Variants in TLN1 observed in about 807,000 individuals in gnomAD.
The protein encoded by TLN1 is talin 1.
A neutral mutation model predicts 292.3 loss-of-function variants in TLN1; 56 were observed. That is an observed-to-expected ratio of 0.19 (90% CI 0.15 to 0.24). The LOEUF (loss-of-function observed/expected upper bound fraction) is 0.24. Ranked by LOEUF, TLN1 falls within the 10% of genes least tolerant of loss-of-function variation. The pLI, the probability that TLN1 is intolerant of heterozygous loss-of-function variation, is 1.00. For synonymous variants in TLN1, 1,119 were observed against 1,253.7 expected (o/e 0.89, Z 2.27); for missense variants, 2,433 against 3,248.2 (o/e 0.75, Z 6.10).
chr9:35,718,320 G>C (rs1825820832), intron 17 of TLN1, among the ~76,000 whole-genome samples: 1 of 152,240 alleles, frequency 6.6e-6, no homozygotes, highest in Non-Finnish European at 1.5e-5. Context: ...GCTCAGAGAG[G>C]ACAAAGCTGG....
Position 35,723,090 on chromosome 9 carries a change from C to T in TLN1, c.783-169G>A, listed in dbSNP as rs554463782. On this transcript the variant is annotated intron_variant, in intron 7 of 56. Transcript: ENST00000314888. The stretch of plus-strand genomic sequence containing the variant: ...AGATTATCTTCTGAAATAGAGGTGA[C>T]TTCGTGTAAACTCTTCTTTTTTTTT... 4.5e-4 allele frequency: 243 copies of T among 542,126 alleles called. 3 individuals are homozygous for T. Among genetic ancestry groups the T allele is most frequent in the South Asian group, 2.2e-3 (95 of 43,730 alleles). The allele number at this position is 542,126 out of a possible 1,614,324, so 33.6% of individuals were successfully genotyped here. A position where few individuals can be genotyped will look rare whatever the true frequency, so the allele number is the denominator to read the frequency against.
In TLN1 at chr9:35,711,994, C is replaced by T. The variant is rs758655161; in HGVS notation, c.3681+11G>A. 10 of 1,613,070 alleles carry T rather than the reference C, an allele frequency of 6.2e-6. No individual in the cohort carries two copies. Among genetic ancestry groups the T allele is most frequent in the African/African-American group, 5.3e-5 (4 of 74,882 alleles). ...ACTCCTACGTTCCCCCACCCCCTAC[C>T]GTCCTCCTACCGAGTCACTCAGGAG... On this transcript the variant is annotated intron_variant, in intron 28 of 56. Coordinates refer to ENST00000314888, the MANE Select transcript of TLN1 (RefSeq NM_006289.4).
rs766448496 is a variant in TLN1, at chr9:35,710,674, C to T, written c.4213G>A (p.Glu1405Lys). The change falls in exon 33 of 57, where the codon GAG becomes AAG. Residue 1405 changes from glutamate (E) to lysine (K), a missense_variant. By Grantham distance (56) the Glu-to-Lys change is moderately conservative. Around this residue, in one of 7 missense-constraint regions of TLN1, gnomAD observed 1,384 missense variants for 1,699.6 expected, o/e 0.81. Transcript: ENST00000314888. ...SVMENSKVLG[E>K]AMTGISQNAK... ...TTTTGGGAGATGCCAGTCATGGCCT[C>T]GCCCAGCACCTGAGGAACAGAGGAC... 4.3e-6 allele frequency: 7 copies of T among 1,614,026 alleles called. No individual in the cohort carries two copies. In the African/African-American group the frequency reaches 5.3e-5, roughly 12 times the overall value.
intron 1 of TLN1, among the ~76,000 whole-genome samples, chr9:35,728,143 G>T (rs577584993): frequency 2.0e-5 from 3 of 152,180 alleles, no homozygotes; most frequent in East Asian, 1.9e-4. Flanking sequence ...GCAATTGGAG[G>T]GGGGGAATGG....
chr9:35,705,899 A>G (rs773470634), intron 41 of TLN1, 48 bp from the exon 42 acceptor site: 1 of 1,614,122 alleles, frequency 6.2e-7, no homozygotes. Flanking sequence ...GGTCTCTGCC[A>G]CTGTGCTTGG....
At chr9:35,725,091 A>T in intron 3 of TLN1, 132 bp from the exon 4 acceptor site, 1 of 1,543,660 alleles carries the variant, frequency 6.5e-7, no homozygotes, top group Non-Finnish European at 8.9e-7. Flanking sequence ...GCAGGGAATT[A>T]TGACTGTCTG....
Position 35,714,701 on chromosome 9 carries a change from T to C in TLN1, c.2872-14A>G, listed in dbSNP as rs1232714144. On this transcript the variant is annotated splice_polypyrimidine_tract_variant and intron_variant, in intron 22 of 56. Coordinates refer to ENST00000314888, the MANE Select transcript of TLN1 (RefSeq NM_006289.4). The surrounding 1 kb of genome is among the most constrained non-coding windows in gnomAD (Gnocchi z 4.6). ...CTCTGCCACTGCCTGTAGGTGAAAA[T>C]GTCATAAGAGACCCACAAGTCTCCC... 3 of 1,613,770 alleles carry C rather than the reference T, an allele frequency of 1.9e-6. No individual in the cohort carries two copies. The highest frequency in any genetic ancestry group is 2.5e-6 in the Non-Finnish European group (3 of 1,179,790).
In TLN1 at chr9:35,697,113, T is replaced by G. The variant is rs1825380664; in HGVS notation, c.*678A>C. 1 of 152,320 alleles carries G rather than the reference T, an allele frequency of 6.6e-6. No homozygotes were observed. The allele number at this position is 152,320 out of a possible 1,614,324, so 9.4% of individuals were successfully genotyped here. ...ACGACACTTTGTGAGGCTTAGGTGC[T>G]GGCCAGGGAGGTGAGGATAACAGGA... On this transcript the variant is annotated 3_prime_UTR_variant, in exon 57 of 57. Coordinates refer to ENST00000314888, the MANE Select transcript of TLN1 (RefSeq NM_006289.4).
Position 35,706,931 on chromosome 9 carries a change from G to C in TLN1, c.4956-31C>G, listed in dbSNP as rs572922595. The C allele has an allele frequency of 2.0e-5, 32 of 1,611,960 alleles. No individual in the cohort carries two copies. Among genetic ancestry groups the C allele is most frequent in the African/African-American group, 2.7e-5 (2 of 74,804 alleles). On this transcript the variant is annotated intron_variant, in intron 37 of 56. Transcript: ENST00000314888. The surrounding 1 kb of genome is among the most constrained non-coding windows in gnomAD (Gnocchi z 4.2). ...GACACATCATGGGCTCCAACACCAA[G>C]AACATCCCCTACTGCAAGGCCAGCC...
At chr9:35,718,783 G>A (rs1419186239) in intron 17 of TLN1, 29 bp downstream of exon 17, 1 of 1,590,756 alleles carries the variant, frequency 6.3e-7, no homozygotes, top group East Asian at 2.2e-5. Context: ...TAGATTCTGG[G>A]GTTCTGGGGG....
Position 35,717,132 on chromosome 9 carries a change from G to C in TLN1, c.2458+14C>G. 1 of 1,581,384 alleles carries C rather than the reference G, an allele frequency of 6.3e-7. No homozygotes were observed. Among genetic ancestry groups the C allele is most frequent in the South Asian group, 1.1e-5 (1 of 88,186 alleles). On this transcript the variant is annotated intron_variant, in intron 19 of 56. Transcript: ENST00000314888. This position sits in a 1 kb window ranked among gnomAD's most constrained non-coding sequence, Gnocchi z 4.7. The stretch of plus-strand genomic sequence containing the variant: ...TGGTAGGGTTTTTTGTTTTCCTGGG[G>C]GTGCGTGTCTTACCAGCATCACCCA...
At position 35,704,904 on chromosome 9, in the gene TLN1, A is replaced by G; in HGVS notation, c.5734-89T>C. On this transcript the variant is annotated intron_variant, in intron 43 of 56. Coordinates refer to ENST00000314888, the MANE Select transcript of TLN1 (RefSeq NM_006289.4). The surrounding 1 kb of genome is among the most constrained non-coding windows in gnomAD (Gnocchi z 6.9). ...TGGAAAAGTCACTAAGGACATAGAA[A>G]AAAACATGCATTGTAGACTAAAGAA... 6.9e-7 allele frequency: 1 copy of G among 1,441,648 alleles called. No individual in the cohort carries two copies. The highest frequency in any genetic ancestry group is 1.3e-5 in the South Asian group (1 of 76,808). The allele number at this position is 1,441,648 out of a possible 1,614,324, so 89.3% of individuals were successfully genotyped here.
chr9:35,718,458 G>A lies in TLN1; in HGVS notation c.1995+354C>T, dbSNP rs541152756. Among the ~76,000 whole-genome samples the A allele has an allele frequency of 1.2e-4, 19 of 152,262 alleles. 1 individual carries two copies. The highest frequency in any genetic ancestry group is 3.4e-4 in the African/African-American group (14 of 41,552). On this transcript the variant is annotated intron_variant, in intron 17 of 56. Coordinates refer to ENST00000314888, the MANE Select transcript of TLN1 (RefSeq NM_006289.4). Reference sequence around the variant, plus strand: ...TCAGCTGAGGAAATTGGCATGGAGCGGGAAGGGGGAGAGCTAGAGGAACAC... The same window carrying A: ...TCAGCTGAGGAAATTGGCATGGAGCAGGAAGGGGGAGAGCTAGAGGAACAC...
rs752353207 is a variant in TLN1 at position 35,719,632 on chromosome 9, AAGAG to A, written c.1579-9_1579-6del. 6.2e-7 allele frequency: 1 copy of A among 1,613,750 alleles called. No individual in the cohort carries two copies. Among genetic ancestry groups the A allele is most frequent in the Non-Finnish European group, 8.5e-7 (1 of 1,179,644 alleles). On this transcript the variant is annotated splice_polypyrimidine_tract_variant and splice_region_variant and intron_variant, in intron 14 of 56. Transcript: ENST00000314888. This position sits in a 1 kb window ranked among gnomAD's most constrained non-coding sequence, Gnocchi z 4.6. Reference sequence around the variant, plus strand: ...TTTACGCCAGGCCTTAGAGGCCTGAAAGAGAGAGGAAAAGCCTTCAGGATCTGCC... The same window carrying A: ...TTTACGCCAGGCCTTAGAGGCCTGAAAGAGGAAAAGCCTTCAGGATCTGCC...
chr9:35,704,076 T>C lies in TLN1; in HGVS notation c.6146A>G (p.Gln2049Arg). 4 of 1,613,838 alleles carry C rather than the reference T, an allele frequency of 2.5e-6. No homozygotes were observed. Among genetic ancestry groups the C allele is most frequent in the Non-Finnish European group, 3.4e-6 (4 of 1,179,936 alleles). ...GCGGGTGATGGTCGCCACGGAGGAC[T>C]GGGCAGCCTGCGCCAACTTCTCCTG... ...GSQEKLAQAA[Q>R]SSVATITRLA... The change falls in exon 46 of 57, where the codon CAG becomes CGG. Residue 2049 changes from glutamine (Q) to arginine (R), a missense_variant. Around this residue, in one of 7 missense-constraint regions of TLN1, gnomAD observed 1,384 missense variants for 1,699.6 expected, o/e 0.81. Coordinates refer to ENST00000314888, the MANE Select transcript of TLN1 (RefSeq NM_006289.4). This position sits in a 1 kb window ranked among gnomAD's most constrained non-coding sequence, Gnocchi z 6.9.
intron 9 of TLN1, 82 bp from the exon 10 acceptor site, chr9:35,721,885 G>A: frequency 1.3e-6 from 2 of 1,551,170 alleles, no homozygotes; most frequent in Non-Finnish European, 1.8e-6. Context: ...GCAGCCATAG[G>A]GGATGTTGAG....
rs1216886686 is a variant in TLN1, at chr9:35,699,624, A to C, written c.6769-163T>G. 1 of 985,122 alleles carries C rather than the reference A, an allele frequency of 1.0e-6. No homozygotes were observed. The highest frequency in any genetic ancestry group is 1.1e-4 in the East Asian group (1 of 8,822). 61.0% of individuals were successfully genotyped at this position (985,122 alleles called of 1,614,324 possible). On this transcript the variant is annotated intron_variant, in intron 50 of 56. Transcript: ENST00000314888. The surrounding 1 kb of genome is among the most constrained non-coding windows in gnomAD (Gnocchi z 4.0). ...TATCCAAGTACACATCATGCATCAC[A>C]CCTCACACGTGATAGAGACAGTGGG...
At chr9:35,723,727 T>C (rs1825918229) in intron 7 of TLN1, 3 of 572,686 alleles carry the variant, frequency 5.2e-6, no homozygotes, top group South Asian at 4.7e-5. Context: ...ACATGCTTGC[T>C]TCAGAGATGG....
intron 3 of TLN1, 120 bp downstream of exon 3, chr9:35,725,104 A>C (rs1477613600): frequency 6.5e-7 from 1 of 1,529,302 alleles, no homozygotes; most frequent in Admixed American, 1.8e-5. Flanking sequence ...ACTGTCTGTT[A>C]ATAGGAAGAA....
Sources: allele counts gnomAD v4.1 joint callset (sites outside exome capture counted in the v4.1 genomes callset), GRCh38; gene constraint gnomAD v4.1.1; regional missense constraint gnomAD v4.1.1; non-coding constraint Gnocchi (gnomAD v3.1); transcripts MANE v1.5; gene names NCBI Gene and HGNC (gene_info 2026-07-23, HGNC 2026-07-21).